The following SBF2 variants were observed in gnomAD, a reference collection of about 807,000 sequenced individuals.
SBF2 encodes the protein myotubularin-related protein 13.
Under a neutral mutation model 225.2 loss-of-function variants are expected in SBF2, and 112 were observed. The observed-to-expected ratio is 0.50, with a 90% CI of 0.43 to 0.58. The LOEUF (loss-of-function observed/expected upper bound fraction) is 0.58, where lower values mean the gene tolerates loss of function less well. Ranked by LOEUF, SBF2 falls within the 20% of genes least tolerant of loss-of-function variation. The pLI, the probability that SBF2 is intolerant of heterozygous loss-of-function variation, is 0.00. For missense variants in SBF2, 1,996 were observed against 2,206.2 expected (o/e 0.90, Z 1.91); for synonymous variants, 763 against 773.3 (o/e 0.99, Z 0.22).
intron 16 of SBF2, among the ~76,000 whole-genome samples, chr11:9,921,064 C>CTTTTTTTTTTT (rs34959264): frequency 1.2e-5 from 1 of 85,888 alleles, no homozygotes; most frequent in Non-Finnish European, 2.1e-5. Flanking sequence ...CTGAAAACTT[C>CTTTTTTTTTTT]TTTTTTTTTT....
chr11:9,941,333 T>TA lies in SBF2; in HGVS notation c.1860+20623dup, dbSNP rs200705059. Among the ~76,000 whole-genome samples, 1,143 of 144,368 alleles carry TA rather than the reference T, an allele frequency of 7.9e-3. 5 individuals are homozygous for TA. The highest frequency in any genetic ancestry group is 0.012 in the Non-Finnish European group (778 of 65,334). 94.7% of individuals were successfully genotyped at this position (144,368 alleles called of 152,430 possible). On this transcript the variant is annotated intron_variant, in intron 16 of 39. Transcript: ENST00000256190. Reference sequence around the variant, plus strand: ...CAAGACCCTGTCTCTTCAGTAAAAATAAAAAAAAAAAAATTATCCCAAAGA... The same window carrying TA: ...CAAGACCCTGTCTCTTCAGTAAAAATAAAAAAAAAAAAAATTATCCCAAAGA...
intron 20 of SBF2, among the ~76,000 whole-genome samples, chr11:9,853,022 T>C (rs1488462847): frequency 6.6e-6 from 1 of 152,132 alleles, no homozygotes; most frequent in African/African-American, 2.4e-5. Flanking sequence ...CATCAACAGA[T>C]GAATGGATAA....
rs1852579462 is a variant in SBF2 at position 9,789,222 on chromosome 11, C to T, written c.4819G>A (p.Glu1607Lys). 6.2e-6 allele frequency: 10 copies of T among 1,614,106 alleles called. 1 individual carries two copies. The highest frequency in any genetic ancestry group is 2.2e-5 in the South Asian group (2 of 91,064). The change falls in exon 35 of 40, where the codon GAA becomes AAA. Residue 1607 changes from glutamate to lysine, a missense_variant. Transcript: ENST00000256190. Reference protein sequence around the residue: ...MMLTPKHFPSEDSDLAGEAGP... With the variant: ...MMLTPKHFPSKDSDLAGEAGP... ...GCTTCTCCAGCCAGGTCAGAGTCTT[C>T]GGAGGGGAAGTGCTTGGGGGTTAGC...
intron 1 of SBF2, among the ~76,000 whole-genome samples, chr11:10,273,677 T>C (rs1962723524): frequency 6.6e-6 from 1 of 152,344 alleles, no homozygotes; most frequent in South Asian, 2.1e-4. Context: ...TGTGCTAAAT[T>C]ATAATGTAGC....
chr11:10,171,806 C>T (rs929341192), intron 2 of SBF2, among the ~76,000 whole-genome samples: 4 of 152,114 alleles, frequency 2.6e-5, no homozygotes, highest in South Asian at 2.1e-4. Context: ...CTTTTTATTA[C>T]GGCTTTGATC....
Position 10,035,265 on chromosome 11 carries a change from C to T in SBF2, c.280-4095G>A, listed in dbSNP as rs187282310. Among the ~76,000 whole-genome samples the T allele has an allele frequency of 3.3e-5, 5 of 152,136 alleles. No homozygotes were observed. The East Asian group carries it at 5.8e-4, about 18-fold the overall frequency. On this transcript the variant is annotated intron_variant, in intron 3 of 39. Coordinates refer to ENST00000256190, the MANE Select transcript of SBF2 (RefSeq NM_030962.4). Reference sequence around the variant, plus strand: ...CTGGGATTACAGGTATGAGCCACCACGCCCAGCCTAAAGTCTTAAACGTAA... The same window carrying T: ...CTGGGATTACAGGTATGAGCCACCATGCCCAGCCTAAAGTCTTAAACGTAA...
chr11:10,229,686 G>T (rs1334432697), intron 1 of SBF2, among the ~76,000 whole-genome samples: 2 of 152,092 alleles, frequency 1.3e-5, no homozygotes, highest in Non-Finnish European at 2.9e-5. Context: ...GATAGTTTCT[G>T]ATAATTTCTG....
At chr11:10,018,556 A>T (rs189273173) in intron 6 of SBF2, among the ~76,000 whole-genome samples, 16 of 152,326 alleles carry the variant, frequency 1.1e-4, no homozygotes, top group African/African-American at 3.8e-4. Flanking sequence ...GAGCATTTAC[A>T]TTCTTTATAG....
intron 1 of SBF2, among the ~76,000 whole-genome samples, chr11:10,201,528 G>A (rs1048409079): frequency 2.6e-5 from 4 of 152,200 alleles, no homozygotes; most frequent in African/African-American, 9.7e-5. Flanking sequence ...AGAGAAGTCT[G>A]TTTGTTTCAA....
intron 2 of SBF2, among the ~76,000 whole-genome samples, chr11:10,082,493 A>T (rs1228126344): frequency 6.6e-6 from 1 of 152,226 alleles, no homozygotes; most frequent in African/African-American, 2.4e-5. Context: ...TTGACGGAAT[A>T]CTAGAAAACT....
At chr11:9,824,824 C>A (rs938109557) in intron 28 of SBF2, among the ~76,000 whole-genome samples, 2 of 152,044 alleles carry the variant, frequency 1.3e-5, no homozygotes, top group African/African-American at 4.8e-5. Flanking sequence ...ACTTTCCTTG[C>A]TGACAATGTA....
intron 1 of SBF2, among the ~76,000 whole-genome samples, chr11:10,207,901 T>C (rs1957799748): frequency 6.6e-6 from 1 of 152,138 alleles, no homozygotes; most frequent in Non-Finnish European, 1.5e-5. Flanking sequence ...TCCATTTCCC[T>C]TAACTTCTGA....
intron 1 of SBF2, among the ~76,000 whole-genome samples, chr11:10,241,634 T>A: frequency 6.6e-6 from 1 of 152,034 alleles, no homozygotes; most frequent in South Asian, 2.1e-4. Context: ...AAAAAGTATA[T>A]TATGAACAAT....
At chr11:9,856,755 C>T in intron 18 of SBF2, 35 bp from the exon 19 acceptor site, 2 of 1,602,832 alleles carry the variant, frequency 1.2e-6, no homozygotes, top group Non-Finnish European at 1.7e-6. Context: ...AAAAGAGAAC[C>T]ATCACTTCAG....
chr11:9,921,180 C>A (rs143732188), intron 16 of SBF2, among the ~76,000 whole-genome samples: 131 of 150,404 alleles, frequency 8.7e-4, no homozygotes, highest in African/African-American at 2.9e-3. Flanking sequence ...AAGCGATTCT[C>A]CTGCCTCAGC....
chr11:9,782,861 C>G (rs1852109500), intron 38 of SBF2, among the ~76,000 whole-genome samples: 1 of 143,162 alleles, frequency 7.0e-6, no homozygotes, highest in South Asian at 2.3e-4. Context: ...CAAAGCGAGA[C>G]TCTGTCTCAA....
intron 2 of SBF2, among the ~76,000 whole-genome samples, chr11:10,163,281 C>T (rs1955829439): frequency 6.6e-6 from 1 of 152,060 alleles, no homozygotes; most frequent in East Asian, 1.9e-4. Context: ...CCCTAAAATA[C>T]ACAATAATGA....
intron 13 of SBF2, among the ~76,000 whole-genome samples, chr11:9,983,843 C>T (rs1035767790): frequency 1.3e-5 from 2 of 152,118 alleles, no homozygotes; most frequent in Non-Finnish European, 2.9e-5. Context: ...CACTGCAGTT[C>T]GGCTCACAGG....
chr11:10,269,551 A>C (rs990492933), intron 1 of SBF2, among the ~76,000 whole-genome samples: 3 of 152,252 alleles, frequency 2.0e-5, no homozygotes, highest in African/African-American at 7.2e-5. Flanking sequence ...AAAATGTGGC[A>C]CTATTATTGT....
Sources: gnomAD v4.1 joint callset for allele counts (sites outside exome capture counted in the v4.1 genomes callset) on GRCh38, gnomAD v4.1.1 for gene constraint, MANE v1.5 for transcripts, NCBI Gene and HGNC (gene_info 2026-07-23, HGNC 2026-07-21) for gene names.